EIF2AK1: variants seen among roughly 807,000 people sequenced by gnomAD.
EIF2AK1 encodes eukaryotic translation initiation factor 2 alpha kinase 1.
A neutral mutation model predicts 77.9 loss-of-function variants in EIF2AK1; 54 were observed. The ratio of observed to expected loss-of-function variants is 0.69; its 90% CI spans 0.56 to 0.87. EIF2AK1 has a LOEUF of 0.87. Among genes scored for constraint, EIF2AK1 ranks in the 40% least tolerant of loss-of-function variants. EIF2AK1 has a pLI of 0.00. For synonymous variants in EIF2AK1, 314 were observed against 290.5 expected (o/e 1.08, Z -0.82); for missense variants, 810 against 768.6 (o/e 1.05, Z -0.64).
At position 6,028,659 on chromosome 7, in the gene EIF2AK1, A is replaced by G; in HGVS notation, c.1486T>C (p.Tyr496His). 1 of 1,614,256 alleles carries G rather than the reference A, an allele frequency of 6.2e-7. No individual in the cohort carries two copies. The stretch of plus-strand genomic sequence containing the variant: ...CCTTCCAACTGTTCGGGTGAAGCGT[A>G]CAGACAAGTACCCACTCTGGACGTA... ...THTSRVGTCL[Y>H]ASPEQLEGSE... is the part of the protein sequence containing the mutation. The change falls in exon 13 of 15, where the codon TAC (tyrosine) becomes CAC (histidine). Residue 496 changes from tyrosine to histidine, a missense_variant. By Grantham distance (83) the Tyr-to-His change is moderately conservative (BLOSUM62 2). Coordinates refer to ENST00000199389, the MANE Select transcript of EIF2AK1 (RefSeq NM_014413.4).
At position 6,027,792 on chromosome 7, in the gene EIF2AK1, G is replaced by A. The variant is rs563235053; in HGVS notation, c.1530+823C>T. The A allele has an allele frequency of 9.4e-5, 26 of 277,420 alleles. No homozygotes were observed. Among genetic ancestry groups the A allele is most frequent in the Middle Eastern group, 2.7e-3 (2 of 732 alleles). 17.2% of individuals were successfully genotyped at this position (277,420 alleles called of 1,614,324 possible). A position where few individuals can be genotyped will look rare whatever the true frequency, so the allele number is the denominator to read the frequency against. ...ATTTCAAAATCGATTTAGGCCAGGCGCAGAGGTTCATGCCTTAATCCCAGC... is the reference window on the plus strand; with the variant it reads ...ATTTCAAAATCGATTTAGGCCAGGCACAGAGGTTCATGCCTTAATCCCAGC... On this transcript the variant is annotated intron_variant, in intron 13 of 14. Transcript: ENST00000199389. This position sits in a 1 kb window ranked among gnomAD's most constrained non-coding sequence, Gnocchi z 4.5.
chr7:6,024,816 T>A lies in EIF2AK1; in HGVS notation c.1765-15A>T. 2 of 1,477,216 alleles carry A rather than the reference T, an allele frequency of 1.4e-6. No individual in the cohort carries two copies. The highest frequency in any genetic ancestry group is 1.8e-6 in the Non-Finnish European group (2 of 1,112,988). The allele number at this position is 1,477,216 out of a possible 1,614,324, so 91.5% of individuals were successfully genotyped here. A position where few individuals can be genotyped will look rare whatever the true frequency, so the allele number is the denominator to read the frequency against. On this transcript the variant is annotated splice_polypyrimidine_tract_variant and intron_variant, in intron 14 of 14. Transcript: ENST00000199389. ...GTGAGGTTAACCTGTAAGGAGAAAA[T>A]ATTTTAAACTCCATTAAAATAACTT...
rs911225722 is a variant in EIF2AK1, at chr7:6,033,425, C to G, written c.1332+3999G>C. ...ATACTCTGAAAAACTGAGAAAAATG[C>G]AACATCATAAATATTTTGCCAAATT... On this transcript the variant is annotated intron_variant, in intron 11 of 14. Transcript: ENST00000199389. The surrounding 1 kb of genome is among the most constrained non-coding windows in gnomAD (Gnocchi z 4.4). 8.5e-5 allele frequency among the ~76,000 whole-genome samples: 13 copies of G among 152,088 alleles called. No individual in the cohort carries two copies. Among genetic ancestry groups the G allele is most frequent in the Non-Finnish European group, 1.6e-4 (11 of 68,032 alleles).
chr7:6,023,577 T>C lies in EIF2AK1; in HGVS notation c.*1096A>G. On this transcript the variant is annotated 3_prime_UTR_variant, in exon 15 of 15. Transcript: ENST00000199389. ...CCGTAGCAGACGTGGTGCTGTGGTC[T>C]GTACTCCAGCAGATCGGAGGCTGCA... 1.2e-6 allele frequency: 2 copies of C among 1,614,246 alleles called. No homozygotes were observed. Among genetic ancestry groups the C allele is most frequent in the Non-Finnish European group, 1.7e-6 (2 of 1,180,046 alleles).
In EIF2AK1 at chr7:6,023,513, CT is replaced by C; in HGVS notation, c.*1159del. 1 of 1,614,224 alleles carries C rather than the reference CT, an allele frequency of 6.2e-7. No individual in the cohort carries two copies. Among genetic ancestry groups the C allele is most frequent in the East Asian group, 2.2e-5 (1 of 44,888 alleles). On this transcript the variant is annotated 3_prime_UTR_variant, in exon 15 of 15. Transcript: ENST00000199389. ...GCTGTTTTCCGCTCCATGAACTCTG[CT>C]CTTGGGAAGAGCCCTTGGCTCGCTG...
chr7:6,049,793 A>T, intron 3 of EIF2AK1, 119 bp downstream of exon 3: 1 of 1,004,590 alleles, frequency 1.0e-6, no homozygotes, highest in Non-Finnish European at 1.4e-6. Context: ...TGCCTGGCCT[A>T]GAGTTTATAC....
At position 6,038,618 on chromosome 7, in the gene EIF2AK1, C is replaced by A. The variant is rs747032304; in HGVS notation, c.1173G>T (p.Leu391=). ...TGTTTCTCTCGACTATCCAATCCCA[C>A]AGCGAGAGCTCACACAGCTGCATCT... The part of the protein sequence containing the change: ...HIQMQLCELS[L]WDWIVERNKR... The change falls in exon 10 of 15, where the codon CTG becomes CTT. Residue 391 remains leucine, a synonymous_variant. Transcript: ENST00000199389. 6.2e-7 allele frequency: 1 copy of A among 1,613,408 alleles called. No homozygotes were observed. Among genetic ancestry groups the A allele is most frequent in the Admixed American group, 1.7e-5 (1 of 59,912 alleles).
At chr7:6,050,081 A>C in intron 2 of EIF2AK1, 36 bp from the exon 3 acceptor site, 1 of 1,556,440 alleles carries the variant, frequency 6.4e-7, no homozygotes, top group Non-Finnish European at 8.7e-7. Flanking sequence ...TATTAGAAAC[A>C]TCTTTAATAA....
chr7:6,031,389 C>G (rs917033441), intron 11 of EIF2AK1: 4 of 1,550,632 alleles, frequency 2.6e-6, no homozygotes, highest in Non-Finnish European at 3.5e-6. Flanking sequence ...GGGAATATAA[C>G]CAGGAAAGGA....
Position 6,032,742 on chromosome 7 carries a change from C to A in EIF2AK1, c.1333-3710G>T. 2.0e-6 allele frequency: 2 copies of A among 979,510 alleles called. No homozygotes were observed. Among genetic ancestry groups the A allele is most frequent in the South Asian group, 1.6e-5 (1 of 63,600 alleles). 60.7% of individuals were successfully genotyped at this position (979,510 alleles called of 1,614,324 possible). On this transcript the variant is annotated intron_variant, in intron 11 of 14. Coordinates refer to ENST00000199389, the MANE Select transcript of EIF2AK1 (RefSeq NM_014413.4). This position sits in a 1 kb window ranked among gnomAD's most constrained non-coding sequence, Gnocchi z 4.3. ...AGAAAAAGAGTGAGCCAATGAGACA[C>A]TAAATAAATGTATTGCCTTTGAAAC... is the stretch of plus-strand genomic sequence containing the variant.
Position 6,035,165 on chromosome 7 carries a change from C to T in EIF2AK1, c.1332+2259G>A, listed in dbSNP as rs1788039728. ...GCTCCAAGAAGCTGGGCCTTCTTCA[C>T]AACATTGTATAAAAGTGAAAATAAT... is the stretch of plus-strand genomic sequence containing the variant. On this transcript the variant is annotated intron_variant, in intron 11 of 14. Coordinates refer to ENST00000199389, the MANE Select transcript of EIF2AK1 (RefSeq NM_014413.4). This position sits in a 1 kb window ranked among gnomAD's most constrained non-coding sequence, Gnocchi z 5.5. Among the ~76,000 whole-genome samples the T allele has an allele frequency of 1.3e-5, 2 of 151,166 alleles. No individual in the cohort carries two copies. Among genetic ancestry groups the T allele is most frequent in the African/African-American group, 4.9e-5 (2 of 40,984 alleles).
At chr7:6,025,016 T>C (rs756259984) in intron 14 of EIF2AK1, among the ~76,000 whole-genome samples, 7 of 151,836 alleles carry the variant, frequency 4.6e-5, no homozygotes, top group South Asian at 2.1e-4. Context: ...TTTCTGTATT[T>C]TTAGTAGAGA....
At chr7:6,038,495 T>A in intron 10 of EIF2AK1, 65 bp downstream of exon 10, 1 of 1,228,438 alleles carries the variant, frequency 8.1e-7, no homozygotes, top group Non-Finnish European at 1.1e-6. Context: ...AGGCAACTCC[T>A]ACATGAGATG....
At chr7:6,058,884 AAAC>A (rs1788871567) in intron 1 of EIF2AK1, 79 bp downstream of exon 1, 46 of 1,295,760 alleles carry the variant, frequency 3.6e-5, no homozygotes, top group Non-Finnish European at 4.7e-5. Context: ...GTCCTCAGGC[AAAC>A]CTCAGGGCTG....
At chr7:6,057,158 A>G (rs1788800656) in intron 1 of EIF2AK1, among the ~76,000 whole-genome samples, 1 of 130,262 alleles carries the variant, frequency 7.7e-6, no homozygotes. Flanking sequence ...TTTGAGACAG[A>G]GTCTCACTCT....
rs964765118 is a variant in EIF2AK1, at chr7:6,024,243, G to A, written c.*430C>T. The A allele has an allele frequency of 8.2e-7, 1 of 1,217,318 alleles. No individual in the cohort carries two copies. Among genetic ancestry groups the A allele is most frequent in the South Asian group, 1.5e-5 (1 of 67,372 alleles). The allele number at this position is 1,217,318 out of a possible 1,614,324, so 75.4% of individuals were successfully genotyped here. On this transcript the variant is annotated 3_prime_UTR_variant, in exon 15 of 15. Coordinates refer to ENST00000199389, the MANE Select transcript of EIF2AK1 (RefSeq NM_014413.4). ...AATGAAATGATGAGGCGTCCTTCAG[G>A]TAATGAACTTCAGCTGCAGTGTGAA...
At chr7:6,029,334 TA>T (rs932423098) in intron 11 of EIF2AK1, among the ~76,000 whole-genome samples, 20 of 151,650 alleles carry the variant, frequency 1.3e-4, no homozygotes, top group Non-Finnish European at 2.8e-4. Flanking sequence ...AAACCGTCTC[TA>T]AAAAATACAA....
At chr7:6,047,190 T>C in intron 4 of EIF2AK1, 99 bp from the exon 5 acceptor site, 4 of 1,190,288 alleles carry the variant, frequency 3.4e-6, no homozygotes, top group Non-Finnish European at 5.0e-6. Context: ...ACAAACCTCA[T>C]GTATCACTAA....
rs750493344 is a variant in EIF2AK1 at position 6,026,845 on chromosome 7, G to A, written c.1647C>T (p.Leu549=). 7 of 1,614,148 alleles carry A rather than the reference G, an allele frequency of 4.3e-6. No individual in the cohort carries two copies. The highest frequency in any genetic ancestry group is 5.9e-6 in the Non-Finnish European group (7 of 1,180,034). The part of the protein sequence containing the change: ...GLRTGQLPES[L]RKRCPVQAKY... ...TGGCTTGCACTGGACACCTTTTACGGAGGGATTCCGGCAACTGACCAGTTC... is the reference window on the plus strand; with the variant it reads ...TGGCTTGCACTGGACACCTTTTACGAAGGGATTCCGGCAACTGACCAGTTC... Residue 549 remains leucine, a synonymous_variant, in exon 14 of 15, where the codon CTC becomes CTT. Transcript: ENST00000199389.
Sources: gnomAD v4.1 joint callset for allele counts (sites outside exome capture counted in the v4.1 genomes callset) on GRCh38, gnomAD v4.1.1 for gene constraint, Gnocchi (gnomAD v3.1) non-coding constraint, MANE v1.5 for transcripts, NCBI Gene and HGNC (gene_info 2026-07-23, HGNC 2026-07-21) for gene names.